The following ADGRV1 variants were observed in gnomAD, a reference collection of about 807,000 sequenced individuals.
ADGRV1 encodes the protein adhesion G protein-coupled receptor V1, also known as G-protein coupled receptor 98.
ADGRV1 carries 359 observed loss-of-function variants against 596.2 expected under a neutral mutation model. The observed-to-expected ratio is 0.60, with a 90% CI of 0.55 to 0.66. The LOEUF (loss-of-function observed/expected upper bound fraction) is 0.66, where lower values mean the gene tolerates loss of function less well. ADGRV1 is among the 30% of genes least tolerant of loss of function. ADGRV1 has a pLI of 0.00. For synonymous variants in ADGRV1, 2,681 were observed against 2,679.2 expected, an observed-to-expected ratio of 1.00 and a Z score of -0.02; for missense variants, 7,274 against 7,575.6, an observed-to-expected ratio of 0.96 and a Z score of 1.48.
intron 83 of ADGRV1, among the ~76,000 whole-genome samples, chr5:90,964,301 G>GT (rs1255592869): frequency 1.3e-5 from 2 of 152,062 alleles, no homozygotes; most frequent in Non-Finnish European, 2.9e-5. Flanking sequence ...AAGTCAACTA[G>GT]TTTTTTCCTC....
Position 90,681,536 on chromosome 5 carries a change from C to A in ADGRV1, c.5664+82C>A. On this transcript the variant is annotated intron_variant, in intron 27 of 89. Coordinates refer to ENST00000405460, the MANE Select transcript of ADGRV1 (RefSeq NM_032119.4). ...CTGTGCTATGAAAGTGTGTTTTATG[C>A]TTTCCTTTTTTTGTGTAGGCTGAGG... 2.2e-6 allele frequency: 3 copies of A among 1,365,682 alleles called. No individual in the cohort carries two copies. The East Asian group carries it at 7.5e-5, about 34-fold the overall frequency. The allele number at this position is 1,365,682 out of a possible 1,614,324, so 84.6% of individuals were successfully genotyped here.
intron 83 of ADGRV1, among the ~76,000 whole-genome samples, chr5:90,887,086 T>C (rs1365780207): frequency 6.6e-6 from 1 of 152,192 alleles, no homozygotes; most frequent in African/African-American, 2.4e-5. Flanking sequence ...TTTACAGCTT[T>C]CCACTGCTCT....
intron 11 of ADGRV1, 85 bp downstream of exon 11, chr5:90,638,033 T>TC (rs1766455497): frequency 1.0e-6 from 1 of 980,180 alleles, no homozygotes; most frequent in Non-Finnish European, 1.5e-6. Flanking sequence ...CTCTTTTTTT[T>TC]CTATATAAAG....
intron 45 of ADGRV1, among the ~76,000 whole-genome samples, chr5:90,721,604 C>A (rs141352036): frequency 1.6e-5 from 1 of 63,486 alleles, no homozygotes; most frequent in African/African-American, 6.2e-5. Context: ...GTATTTAGTG[C>A]CTATGCCAGG....
rs749681584 is a variant in ADGRV1 at position 90,653,476 on chromosome 5, A to AT, written c.3908dup (p.Leu1303PhefsTer39). On this transcript the variant is annotated frameshift_variant, in exon 20 of 90. Coordinates refer to ENST00000405460, the MANE Select transcript of ADGRV1 (RefSeq NM_032119.4). LOFTEE classifies it high-confidence loss of function. ...CCTGCTGGTTTGCCACCAATGATAG[A>AT]TTTTTTACTGGTTGGAATTTTCCCC... is the stretch of plus-strand genomic sequence containing the variant. 1.2e-6 allele frequency: 2 copies of AT among 1,613,842 alleles called. No homozygotes were observed. Among genetic ancestry groups the AT allele is most frequent in the Admixed American group, 1.7e-5 (1 of 59,964 alleles).
chr5:90,694,722 A>G, intron 33 of ADGRV1, 21 bp downstream of exon 33: 1 of 1,532,020 alleles, frequency 6.5e-7, no homozygotes. Flanking sequence ...GTTCTAAATG[A>G]ATTTCCGTTG....
chr5:90,704,516 T>C (rs1166582309), intron 36 of ADGRV1, 28 bp downstream of exon 36: 5 of 1,385,800 alleles, frequency 3.6e-6, no homozygotes, highest in African/African-American at 1.4e-5. Context: ...TTTAATTTTT[T>C]TTGGTATATT....
At chr5:90,809,327 C>CACACACACACACAT (rs1554124350) in intron 73 of ADGRV1, among the ~76,000 whole-genome samples, 4 of 151,854 alleles carry the variant, frequency 2.6e-5, no homozygotes, top group Admixed American at 2.0e-4. Flanking sequence ...CACACACACA[C>CACACACACACACAT]GCTCTGTCTC....
chr5:90,831,081 T>C (rs2150329551), intron 77 of ADGRV1, among the ~76,000 whole-genome samples: 1 of 152,244 alleles, frequency 6.6e-6, no homozygotes. Context: ...TTCTCCTAGT[T>C]CTCAGGCCAT....
At chr5:90,816,992 C>T (rs1415904192) in intron 75 of ADGRV1, among the ~76,000 whole-genome samples, 1 of 152,090 alleles carries the variant, frequency 6.6e-6, no homozygotes, top group African/African-American at 2.4e-5. Context: ...GCCACACTGA[C>T]TTCCACAATG....
chr5:90,839,329 C>T (rs776784521), intron 77 of ADGRV1, among the ~76,000 whole-genome samples: 8 of 152,186 alleles, frequency 5.3e-5, no homozygotes, highest in Admixed American at 2.6e-4. Context: ...ATTCTCCTGC[C>T]GCAGCGTCCC....
chr5:90,965,313 G>A (rs1031995915), intron 83 of ADGRV1, 102 bp from the exon 84 acceptor site: 5 of 729,040 alleles, frequency 6.9e-6, no homozygotes, highest in Non-Finnish European at 1.2e-5. Context: ...CTTTCACATG[G>A]AATCACTGAG....
intron 86 of ADGRV1, among the ~76,000 whole-genome samples, chr5:91,079,460 C>G (rs1789146771): frequency 6.6e-6 from 1 of 152,116 alleles, no homozygotes; most frequent in African/African-American, 2.4e-5. Flanking sequence ...GATGTGTAGT[C>G]ATTCAGTGTT....
At chr5:91,158,900 G>C (rs936438006) in intron 89 of ADGRV1, among the ~76,000 whole-genome samples, 15 of 150,238 alleles carry the variant, frequency 1.0e-4, no homozygotes, top group African/African-American at 3.7e-4. Flanking sequence ...TGGATGGATG[G>C]ATAGATGCAT....
chr5:90,743,647 A>G (rs1160664381), intron 50 of ADGRV1, among the ~76,000 whole-genome samples: 2 of 150,656 alleles, frequency 1.3e-5, no homozygotes. Context: ...AATTTTTTGT[A>G]TTTTTAGTAG....
In ADGRV1 at chr5:90,694,314, G is replaced by A. The variant is rs753125565; in HGVS notation, c.7558G>A (p.Ala2520Thr). Reference protein sequence around the residue: ...WAIMQEGDEFANLTVSILPDD... With the variant: ...WAIMQEGDEFTNLTVSILPDD... ...CATAATGCAGGAAGGTGATGAATTC[G>A]CAAATCTCACAGTGTCTATTCTTCC... The change falls in exon 33 of 90, where the codon GCA (alanine) becomes ACA (threonine). Residue 2520 changes from alanine to threonine, a missense_variant. By Grantham distance (58) the Ala-to-Thr change is moderately conservative. Around this residue, in one of 5 missense-constraint regions of ADGRV1, gnomAD observed 3,643 missense variants for 3,809.2 expected, o/e 0.96. Transcript: ENST00000405460. 7.4e-6 allele frequency: 12 copies of A among 1,613,962 alleles called. No individual in the cohort carries two copies. The highest frequency in any genetic ancestry group is 9.3e-6 in the Non-Finnish European group (11 of 1,179,866).
Position 90,706,218 on chromosome 5 carries a change from C to T in ADGRV1, c.8567-13C>T, listed in dbSNP as rs75881968. ...AGATAATTATAAAACATTTTTGCAACCTATTCAATTAGGAGCTATCAATGT... is the reference window on the plus strand; with the variant it reads ...AGATAATTATAAAACATTTTTGCAATCTATTCAATTAGGAGCTATCAATGT... On this transcript the variant is annotated splice_polypyrimidine_tract_variant and intron_variant, in intron 37 of 89. Coordinates refer to ENST00000405460, the MANE Select transcript of ADGRV1 (RefSeq NM_032119.4). 4,348 of 1,582,704 alleles carry T rather than the reference C, an allele frequency of 2.7e-3. 170 individuals carry two copies. In the East Asian group the frequency reaches 0.084, roughly 30 times the overall value.
chr5:90,615,068 C>A, intron 2 of ADGRV1, 49 bp downstream of exon 2: 1 of 1,202,978 alleles, frequency 8.3e-7, no homozygotes, highest in Non-Finnish European at 1.1e-6. Flanking sequence ...TATGACGTTT[C>A]TTAGTTTTAA....
At chr5:90,566,260 A>G (rs1755621073) in intron 1 of ADGRV1, among the ~76,000 whole-genome samples, 1 of 152,164 alleles carries the variant, frequency 6.6e-6, no homozygotes, top group Non-Finnish European at 1.5e-5. Flanking sequence ...ACAAAAATTT[A>G]TACCCATGCT....
Sources: allele counts gnomAD v4.1 joint callset (sites outside exome capture counted in the v4.1 genomes callset), GRCh38; gene constraint gnomAD v4.1.1; regional missense constraint gnomAD v4.1.1; transcripts MANE v1.5; gene names NCBI Gene and HGNC (gene_info 2026-07-23, HGNC 2026-07-21).